The following OR1J2 variants were observed in gnomAD, a reference collection of about 807,000 sequenced individuals.
The protein encoded by OR1J2 is olfactory receptor 1J2.
For synonymous variants in OR1J2, 142 were observed against 99.7 expected (o/e 1.42, Z -2.52); for missense variants, 304 against 246.1 (o/e 1.24, Z -1.57).
chr9:122,540,269 A>T, the OR1J2 span, among the ~76,000 whole-genome samples: 2 of 152,040 alleles, frequency 1.3e-5, no homozygotes, highest in Admixed American at 6.6e-5. Context: ...TAAGTCTTTA[A>T]TCCTTCTTGA....
chr9:122,454,503 G>A, the OR1J2 span, among the ~76,000 whole-genome samples: 2 of 151,704 alleles, frequency 1.3e-5, no homozygotes, highest in East Asian at 3.9e-4. Context: ...GGGTGACAGA[G>A]TGAGACTCGA....
chr9:122,485,488 A>ACAAG, the OR1J2 span, among the ~76,000 whole-genome samples: 1 of 152,202 alleles, frequency 6.6e-6, no homozygotes, highest in East Asian at 1.9e-4. Context: ...CTAAGTGAAC[A>ACAAG]TGTAGTGTGA....
At chr9:122,515,601 G>A (rs956864548), downstream of OR1J2, among the ~76,000 whole-genome samples, 2 of 152,108 alleles carry the variant, frequency 1.3e-5, no homozygotes, top group Non-Finnish European at 2.9e-5. Context: ...CATCATTCAT[G>A]TTCTAGATAT....
the OR1J2 span, among the ~76,000 whole-genome samples, chr9:122,450,901 AC>A: frequency 6.6e-6 from 1 of 152,082 alleles, no homozygotes; most frequent in Non-Finnish European, 1.5e-5. Flanking sequence ...TCCTAGATTC[AC>A]CCATGTTGTC....
the OR1J2 span, among the ~76,000 whole-genome samples, chr9:122,555,651 G>T: frequency 6.6e-6 from 1 of 152,200 alleles, no homozygotes; most frequent in South Asian, 2.1e-4. Flanking sequence ...GTTGTAGAGG[G>T]TAGCAAGTTT....
chr9:122,484,308 C>T, the OR1J2 span, among the ~76,000 whole-genome samples: 1 of 151,950 alleles, frequency 6.6e-6, no homozygotes, highest in African/African-American at 2.4e-5. Context: ...ACAATAGGCA[C>T]GCACCACCAT....
At chr9:122,460,358 G>A in the OR1J2 span, among the ~76,000 whole-genome samples, 4 of 152,100 alleles carry the variant, frequency 2.6e-5, no homozygotes, top group Non-Finnish European at 5.9e-5. Context: ...AGCATGATTT[G>A]TTGAATAGGG....
At chr9:122,531,777 G>A in the OR1J2 span, among the ~76,000 whole-genome samples, 1 of 152,172 alleles carries the variant, frequency 6.6e-6, no homozygotes. Flanking sequence ...ATAAAGGCTG[G>A]TTTGTTATCA....
the OR1J2 span, among the ~76,000 whole-genome samples, chr9:122,476,445 A>G: frequency 3.3e-5 from 5 of 152,238 alleles, no homozygotes; most frequent in Non-Finnish European, 5.9e-5. Flanking sequence ...TAACATGCTC[A>G]GAATATTTTC....
At chr9:122,573,284 C>G in the OR1J2 span, among the ~76,000 whole-genome samples, 223 of 152,332 alleles carry the variant, frequency 1.5e-3, 1 homozygote, top group African/African-American at 5.2e-3. Context: ...CTGAGGCTTC[C>G]CATTTAGATG....
chr9:122,553,670 G>A, the OR1J2 span: 1 of 1,614,116 alleles, frequency 6.2e-7, no homozygotes, highest in Non-Finnish European at 8.5e-7. Context: ...TGTGCTGGGT[G>A]CTAACCAACT....
At chr9:122,519,771 C>G in the OR1J2 span, 1 of 1,614,230 alleles carries the variant, frequency 6.2e-7, no homozygotes, top group Non-Finnish European at 8.5e-7. Context: ...TACTCTACCA[C>G]TAATATGCAT....
chr9:122,514,981 C>T (rs140591294), downstream of OR1J2, among the ~76,000 whole-genome samples: 711 of 152,274 alleles, frequency 4.7e-3, 6 homozygotes, highest in African/African-American at 0.017. Context: ...TGATGAACAT[C>T]GAAGTTTAGA....
the OR1J2 span, among the ~76,000 whole-genome samples, chr9:122,479,870 A>G: frequency 6.6e-6 from 1 of 152,238 alleles, no homozygotes; most frequent in Non-Finnish European, 1.5e-5. Flanking sequence ...ATTTAAATTT[A>G]TCATAACAGC....
At chr9:122,553,939 C>T in the OR1J2 span, 5 of 1,613,844 alleles carry the variant, frequency 3.1e-6, no homozygotes, top group Non-Finnish European at 4.2e-6. Flanking sequence ...GCCTTCTCTA[C>T]CTGTGGTTCT....
chr9:122,566,586 A>G, the OR1J2 span, among the ~76,000 whole-genome samples: 41,411 of 152,148 alleles, frequency 0.27, 5,830 homozygotes, highest in Middle Eastern at 0.34. Flanking sequence ...GGAATTAGTC[A>G]TAGCATCTTT....
At chr9:122,455,210 T>C in the OR1J2 span, among the ~76,000 whole-genome samples, 10 of 152,348 alleles carry the variant, frequency 6.6e-5, no homozygotes, top group African/African-American at 2.2e-4. Context: ...TGAATACCTA[T>C]TTTCAATTGT....
At chr9:122,550,585 A>C in the OR1J2 span, among the ~76,000 whole-genome samples, 1 of 152,158 alleles carries the variant, frequency 6.6e-6, no homozygotes, top group African/African-American at 2.4e-5. Context: ...GAATACAAGG[A>C]TAGTGAAATA....
the OR1J2 span, among the ~76,000 whole-genome samples, chr9:122,499,217 G>T: frequency 6.6e-6 from 1 of 152,260 alleles, no homozygotes; most frequent in Non-Finnish European, 1.5e-5. Flanking sequence ...GGAGAATCCA[G>T]TGGGTGGCCA....
Sources: gnomAD v4.1 joint callset for allele counts (sites outside exome capture counted in the v4.1 genomes callset) on GRCh38, gnomAD v4.1.1 for gene constraint, MANE v1.5 for transcripts, NCBI Gene and HGNC (gene_info 2026-07-23, HGNC 2026-07-21) for gene names.